The following LINGO2 variants were observed in gnomAD, a reference collection of about 807,000 sequenced individuals.
LINGO2 encodes the protein leucine rich repeat and Ig domain containing 2.
LINGO2 carries 14 observed loss-of-function variants against 30.6 expected under a neutral mutation model. That is an observed-to-expected ratio of 0.46 (90% CI 0.30 to 0.72). The LOEUF is 0.72. Among genes scored for constraint, LINGO2 ranks in the 30% least tolerant of loss-of-function variants. LINGO2 has a pLI of 0.07. For synonymous variants in LINGO2, 317 were observed against 288.5 expected (o/e 1.10, Z -1.00); for missense variants, 729 against 751.7 (o/e 0.97, Z 0.35).
chr9:28,181,499 A>T (rs565108882), intron 4 of LINGO2, among the ~76,000 whole-genome samples: 24 of 152,270 alleles, frequency 1.6e-4, no homozygotes, highest in African/African-American at 5.8e-4. Context: ...CATCCTAGGT[A>T]CAGTGAATTA....
rs138059422 is a variant in LINGO2 at position 28,175,348 on chromosome 9, G to A, written c.-87+119860C>T. On this transcript the variant is annotated intron_variant, in intron 4 of 5. Coordinates refer to ENST00000379992, the Ensembl canonical transcript of LINGO2. The stretch of plus-strand genomic sequence containing the variant: ...CCTACACTTGCTCATGTGTCTGACC[G>A]CAACTCTCTCCAGAGAAGACCAGCC... Among the ~76,000 whole-genome samples, 224 of 152,076 alleles carry A rather than the reference G, an allele frequency of 1.5e-3. 6 individuals are homozygous for A. In the East Asian group the frequency reaches 0.037, roughly 25 times the overall value.
chr9:28,173,484 T>A (rs1263896441), intron 4 of LINGO2, among the ~76,000 whole-genome samples: 1 of 152,168 alleles, frequency 6.6e-6, no homozygotes, highest in Non-Finnish European at 1.5e-5. Context: ...TAGGACCAAT[T>A]TTTTGAATTA....
intron 1 of LINGO2, among the ~76,000 whole-genome samples, chr9:28,645,891 C>T (rs766633769): frequency 1.7e-4 from 26 of 152,192 alleles, no homozygotes; most frequent in Admixed American, 4.6e-4. Flanking sequence ...ATTAGAGTAC[C>T]GTGCTTTAGA....
At chr9:28,791,583 G>A in the LINGO2 span, among the ~76,000 whole-genome samples, 1 of 151,880 alleles carries the variant, frequency 6.6e-6, no homozygotes, top group Non-Finnish European at 1.5e-5. Context: ...GAATATACTT[G>A]AATATATCTT....
At chr9:28,393,920 T>A (rs1821938390) in intron 2 of LINGO2, among the ~76,000 whole-genome samples, 1 of 152,192 alleles carries the variant, frequency 6.6e-6, no homozygotes, top group Non-Finnish European at 1.5e-5. Context: ...AAAGCTCTTA[T>A]ACTAGCTGCA....
At chr9:28,042,075 A>G (rs113460488) in intron 4 of LINGO2, among the ~76,000 whole-genome samples, 100 of 152,354 alleles carry the variant, frequency 6.6e-4, no homozygotes, top group African/African-American at 2.2e-3. Context: ...ATTTACCTAC[A>G]TACATACTTC....
At chr9:28,519,877 T>A (rs748258545) in intron 1 of LINGO2, among the ~76,000 whole-genome samples, 6 of 152,102 alleles carry the variant, frequency 3.9e-5, no homozygotes, top group Non-Finnish European at 7.4e-5. Context: ...GATCCCCAAT[T>A]TTTTTTCTGG....
the LINGO2 span, among the ~76,000 whole-genome samples, chr9:28,847,989 G>C: frequency 1.0e-5 from 1 of 97,974 alleles, no homozygotes; most frequent in Non-Finnish European, 2.0e-5. Context: ...GTGTATATAT[G>C]TATATGTACA....
At chr9:28,621,658 A>G (rs934790289) in intron 1 of LINGO2, among the ~76,000 whole-genome samples, 4 of 152,060 alleles carry the variant, frequency 2.6e-5, no homozygotes, top group Non-Finnish European at 5.9e-5. Context: ...TCTGAGATTT[A>G]TCAGTGTTTT....
At chr9:28,427,381 T>G (rs1314555918) in intron 2 of LINGO2, among the ~76,000 whole-genome samples, 1 of 152,248 alleles carries the variant, frequency 6.6e-6, no homozygotes, top group South Asian at 2.1e-4. Flanking sequence ...ATACGATCAC[T>G]TCACTACTCA....
At chr9:28,869,831 T>C in the LINGO2 span, among the ~76,000 whole-genome samples, 9,236 of 151,952 alleles carry the variant, frequency 0.061, 929 homozygotes, top group African/African-American at 0.21. Context: ...ATAGCACCCT[T>C]TTCCCAATTT....
chr9:28,577,658 C>A (rs992964585), intron 1 of LINGO2, among the ~76,000 whole-genome samples: 20 of 152,166 alleles, frequency 1.3e-4, no homozygotes, highest in Non-Finnish European at 2.6e-4. Context: ...CAAGATGAAA[C>A]TTTTGGGTGG....
chr9:28,887,823 A>G, the LINGO2 span, among the ~76,000 whole-genome samples: 1 of 152,154 alleles, frequency 6.6e-6, no homozygotes, highest in African/African-American at 2.4e-5. Flanking sequence ...ATATTTTTCC[A>G]TATTTATGCC....
intron 2 of LINGO2, among the ~76,000 whole-genome samples, chr9:28,433,623 G>T (rs1245374566): frequency 6.6e-6 from 1 of 151,952 alleles, no homozygotes; most frequent in Non-Finnish European, 1.5e-5. Flanking sequence ...AAGGCAAAAA[G>T]CATTAGATGT....
the LINGO2 span, among the ~76,000 whole-genome samples, chr9:28,819,924 A>G: frequency 6.6e-6 from 1 of 152,054 alleles, no homozygotes; most frequent in Non-Finnish European, 1.5e-5. Flanking sequence ...TAACCTGCCC[A>G]CCCACACCTA....
At chr9:28,168,051 C>T (rs1212220747) in intron 4 of LINGO2, among the ~76,000 whole-genome samples, 1 of 152,188 alleles carries the variant, frequency 6.6e-6, no homozygotes, top group Non-Finnish European at 1.5e-5. Context: ...TCTCTGGCCA[C>T]AGTGACTTGA....
intron 3 of LINGO2, among the ~76,000 whole-genome samples, chr9:28,363,132 A>G (rs573197835): frequency 6.6e-6 from 1 of 152,182 alleles, no homozygotes; most frequent in South Asian, 2.1e-4. Flanking sequence ...TTTTGTGGAT[A>G]AGGAAACTCA....
In LINGO2 at chr9:28,182,121, G is replaced by A. The variant is rs575573671; in HGVS notation, c.-87+113087C>T. On this transcript the variant is annotated intron_variant, in intron 4 of 5. Coordinates refer to ENST00000379992, the Ensembl canonical transcript of LINGO2. ...GTACTGGTACCAAAACAGACATATAGACCAATGGAACAGAATAGAGACCTC... is the reference window on the plus strand; with the variant it reads ...GTACTGGTACCAAAACAGACATATAAACCAATGGAACAGAATAGAGACCTC... Among the ~76,000 whole-genome samples the A allele has an allele frequency of 3.9e-5, 6 of 152,168 alleles. No homozygotes were observed. The South Asian group carries it at 1.2e-3, about 32-fold the overall frequency.
Position 28,232,741 on chromosome 9 carries a change from C to A in LINGO2, c.-87+62467G>T, listed in dbSNP as rs377104801. Among the ~76,000 whole-genome samples, 25 of 151,452 alleles carry A rather than the reference C, an allele frequency of 1.7e-4. 1 individual carries two copies. The South Asian group carries it at 5.2e-3, about 32-fold the overall frequency. On this transcript the variant is annotated intron_variant, in intron 4 of 5. Transcript: ENST00000379992. The stretch of plus-strand genomic sequence containing the variant: ...ATCCTGTTTAATTGAAACTTTGTAC[C>A]CTTGGACCACCATTTCCCTACTCCC...
Sources: allele counts gnomAD v4.1 joint callset (sites outside exome capture counted in the v4.1 genomes callset), GRCh38; gene constraint gnomAD v4.1.1; transcripts MANE v1.5; gene names NCBI Gene and HGNC (gene_info 2026-07-23, HGNC 2026-07-21).